Variants in GNG7 observed in about 807,000 individuals in gnomAD.
GNG7 encodes G protein subunit gamma 7, also known as guanine nucleotide-binding protein G(I)/G(S)/G(O) subunit gamma-7.
In GNG7, 1 loss-of-function variant was observed where a neutral mutation model predicts 4.0. That is an observed-to-expected ratio of 0.25 (90% CI 0.09 to 1.18). The LOEUF is 1.18. Among genes scored for constraint, GNG7 ranks in the 50% most tolerant of loss-of-function variants. The pLI, the probability that GNG7 is intolerant of heterozygous loss-of-function variation, is 0.50. For missense variants in GNG7, 86 were observed against 91.9 expected, an observed-to-expected ratio of 0.94 and a Z score of 0.26; for synonymous variants, 34 against 36.9, an observed-to-expected ratio of 0.92 and a Z score of 0.29.
chr19:2,538,933 T>C (rs146444490), intron 3 of GNG7: 33,909 of 205,520 alleles, frequency 0.16, 3,633 homozygotes, highest in Non-Finnish European at 0.23. Flanking sequence ...CATGCCCGGC[T>C]AATTTTTTTT....
chr19:2,660,381 C>G (rs992364348), intron 1 of GNG7, among the ~76,000 whole-genome samples: 1 of 152,164 alleles, frequency 6.6e-6, no homozygotes, highest in African/African-American at 2.4e-5. Flanking sequence ...CCTTTTCATC[C>G]TCCTGCTCCA....
chr19:2,555,984 C>T (rs2144763601), intron 2 of GNG7, among the ~76,000 whole-genome samples: 1 of 152,314 alleles, frequency 6.6e-6, no homozygotes, highest in East Asian at 1.9e-4. Flanking sequence ...CTTCCGTGGT[C>T]TTTCCTGACT....
chr19:2,624,746 T>TGGGAAGGA (rs1245920262), intron 2 of GNG7, among the ~76,000 whole-genome samples: 3 of 151,924 alleles, frequency 2.0e-5, no homozygotes, highest in African/African-American at 4.8e-5. Flanking sequence ...CAGTGCCTTC[T>TGGGAAGGA]GGGAAGGAGG....
intron 1 of GNG7, among the ~76,000 whole-genome samples, chr19:2,696,115 C>T (rs1186832970): frequency 6.7e-6 from 1 of 150,312 alleles, no homozygotes; most frequent in Admixed American, 6.7e-5. Context: ...CGAGATTGCA[C>T]CACTGCACTC....
At chr19:2,545,388 C>T (rs1979091026) in intron 3 of GNG7, among the ~76,000 whole-genome samples, 1 of 152,070 alleles carries the variant, frequency 6.6e-6, no homozygotes, top group African/African-American at 2.4e-5. Flanking sequence ...TGGCTTATGC[C>T]TGTATTTCCA....
chr19:2,606,144 C>T (rs940776543), intron 2 of GNG7, among the ~76,000 whole-genome samples: 2 of 151,890 alleles, frequency 1.3e-5, no homozygotes, highest in African/African-American at 2.4e-5. Context: ...TGTGGGAGGC[C>T]GAGGTGGGTG....
chr19:2,518,243 TC>T (rs35473354), intron 4 of GNG7, among the ~76,000 whole-genome samples: 40,980 of 150,698 alleles, frequency 0.27, 5,875 homozygotes, highest in South Asian at 0.36. Flanking sequence ...AAATCCTGGC[TC>T]CCCCCGAGGC....
rs1445268097 is a variant in GNG7, at chr19:2,512,006, G to C, written c.*3016C>G. On this transcript the variant is annotated 3_prime_UTR_variant, in exon 5 of 5. Coordinates refer to ENST00000382159, the MANE Select transcript of GNG7 (RefSeq NM_052847.3). This position sits in a 1 kb window ranked among gnomAD's most constrained non-coding sequence, Gnocchi z 4.7. ...CTGGCTACTGGTGTCTCGCTCAGCA[G>C]CGGGGAAGGCCCGTGGGAGACCCAG... 1 of 985,820 alleles carries C rather than the reference G, an allele frequency of 1.0e-6. No homozygotes were observed. Among genetic ancestry groups the C allele is most frequent in the Non-Finnish European group, 1.2e-6 (1 of 829,972 alleles). 61.1% of individuals were successfully genotyped at this position (985,820 alleles called of 1,614,324 possible). A position where few individuals can be genotyped will look rare whatever the true frequency, so the allele number is the denominator to read the frequency against.
chr19:2,554,158 T>A (rs527355806), intron 3 of GNG7, among the ~76,000 whole-genome samples: 7 of 146,304 alleles, frequency 4.8e-5, no homozygotes, highest in African/African-American at 1.0e-4. Flanking sequence ...TATAATATAT[T>A]ATATATAATA....
At chr19:2,658,156 G>A (rs373410201) in intron 1 of GNG7, among the ~76,000 whole-genome samples, 2 of 151,686 alleles carry the variant, frequency 1.3e-5, no homozygotes, top group Admixed American at 6.6e-5. Flanking sequence ...ACGATCTCTC[G>A]TCTCCACACA....
Position 2,611,759 on chromosome 19 carries a change from C to G in GNG7, c.-78+34465G>C, listed in dbSNP as rs185255349. On this transcript the variant is annotated intron_variant, in intron 2 of 4. Coordinates refer to ENST00000382159, the MANE Select transcript of GNG7 (RefSeq NM_052847.3). The surrounding 1 kb of genome is among the most constrained non-coding windows in gnomAD (Gnocchi z 6.0). ...ACCGAGGCAGGAGAATCGCTCGAAC[C>G]GGGGAGGTGGAGGCTGCACTGAGCG... is the stretch of plus-strand genomic sequence containing the variant. 1 of 152,106 alleles carries G rather than the reference C, an allele frequency of 6.6e-6. No individual in the cohort carries two copies. Among genetic ancestry groups the G allele is most frequent in the African/African-American group, 2.4e-5 (1 of 41,414 alleles). 9.4% of individuals were successfully genotyped at this position (152,106 alleles called of 1,614,324 possible). A position where few individuals can be genotyped will look rare whatever the true frequency, so the allele number is the denominator to read the frequency against.
chr19:2,661,308 G>GAAAGAAAGAA lies in GNG7; in HGVS notation c.-134-15038_-134-15029dup, dbSNP rs1568277831. Among the ~76,000 whole-genome samples, 118 of 129,374 alleles carry GAAAGAAAGAA rather than the reference G, an allele frequency of 9.1e-4. 6 individuals carry two copies. Among genetic ancestry groups the GAAAGAAAGAA allele is most frequent in the African/African-American group, 2.8e-3 (91 of 32,618 alleles). 84.9% of individuals were successfully genotyped at this position (129,374 alleles called of 152,430 possible). Reference sequence around the variant, plus strand: ...AAAGAAAGAAAGAAAGAAAGAGAAAGAAAGAAAGAAAGAAAGAAAGAAAGA... The same window carrying GAAAGAAAGAA: ...AAAGAAAGAAAGAAAGAAAGAGAAAGAAAGAAAGAAAAAGAAAGAAAGAAAGAAAGAAAGA... On this transcript the variant is annotated intron_variant, in intron 1 of 4. Transcript: ENST00000382159.
intron 3 of GNG7, among the ~76,000 whole-genome samples, chr19:2,553,878 A>C (rs148391539): frequency 1.4e-5 from 2 of 146,972 alleles, no homozygotes; most frequent in East Asian, 1.9e-4. Context: ...CATTGCATAC[A>C]TGTACATATT....
intron 3 of GNG7, among the ~76,000 whole-genome samples, chr19:2,528,099 C>T (rs112246981): frequency 6.6e-6 from 1 of 150,980 alleles, no homozygotes. Context: ...GAAACCCCCA[C>T]GTCTGCTAAA....
intron 4 of GNG7, among the ~76,000 whole-genome samples, chr19:2,515,476 C>T (rs188264178): frequency 1.7e-4 from 25 of 151,176 alleles, no homozygotes; most frequent in Non-Finnish European, 3.4e-4. Context: ...CGCCCAGGCT[C>T]TAGTGCAGTG....
At chr19:2,522,634 C>G (rs952304894) in intron 3 of GNG7, among the ~76,000 whole-genome samples, 1 of 150,610 alleles carries the variant, frequency 6.6e-6, no homozygotes, top group Non-Finnish European at 1.5e-5. Flanking sequence ...TGCCTGTAGT[C>G]CCAGCTACTC....
chr19:2,607,399 G>C (rs2144818505), intron 2 of GNG7, among the ~76,000 whole-genome samples: 1 of 151,102 alleles, frequency 6.6e-6, no homozygotes, highest in Admixed American at 6.6e-5. Context: ...CATGATGGCA[G>C]GCGCCTGTTA....
chr19:2,522,519 A>T (rs1978315084), intron 3 of GNG7, among the ~76,000 whole-genome samples: 1 of 152,002 alleles, frequency 6.6e-6, no homozygotes, highest in African/African-American at 2.4e-5. Context: ...TCACGCCTGT[A>T]ATCCCAGCAC....
In GNG7 at chr19:2,609,381, C is replaced by T. The variant is rs1255622550; in HGVS notation, c.-78+36843G>A. Among the ~76,000 whole-genome samples, 2 of 152,068 alleles carry T rather than the reference C, an allele frequency of 1.3e-5. No individual in the cohort carries two copies. Among genetic ancestry groups the T allele is most frequent in the Non-Finnish European group, 2.9e-5 (2 of 68,016 alleles). ...TCTTGGTCGCTGAGGTTTTTTAGCG[C>T]CCCCTTCAATTTTGTGCCCAGTGTG... is the stretch of plus-strand genomic sequence containing the variant. On this transcript the variant is annotated intron_variant, in intron 2 of 4. Coordinates refer to ENST00000382159, the MANE Select transcript of GNG7 (RefSeq NM_052847.3). The surrounding 1 kb of genome is among the most constrained non-coding windows in gnomAD (Gnocchi z 4.4).
Sources: allele counts gnomAD v4.1 joint callset (sites outside exome capture counted in the v4.1 genomes callset), GRCh38; gene constraint gnomAD v4.1.1; non-coding constraint Gnocchi (gnomAD v3.1); transcripts MANE v1.5; gene names NCBI Gene and HGNC (gene_info 2026-07-23, HGNC 2026-07-21).